The following RBFOX2 variants were observed in gnomAD, a reference collection of about 807,000 sequenced individuals.
The protein encoded by RBFOX2 is RNA binding protein fox-1 homolog 2.
Under a neutral mutation model 49.1 loss-of-function variants are expected in RBFOX2, and 10 were observed. The observed-to-expected ratio is 0.20, with a 90% CI of 0.13 to 0.35. The LOEUF (loss-of-function observed/expected upper bound fraction) is 0.35, where lower values mean the gene tolerates loss of function less well. Ranked by LOEUF, RBFOX2 falls within the 10% of genes least tolerant of loss-of-function variation. RBFOX2 has a pLI of 1.00. For synonymous variants in RBFOX2, 183 were observed against 187.4 expected (o/e 0.98, Z 0.19); for missense variants, 323 against 486.9 (o/e 0.66, Z 3.17).
At chr22:35,868,738 C>T (rs2043988330) in intron 1 of RBFOX2, among the ~76,000 whole-genome samples, 1 of 152,166 alleles carries the variant, frequency 6.6e-6, no homozygotes, top group African/African-American at 2.4e-5. Context: ...GTTGTAAATA[C>T]GTACACTGTT....
At position 35,994,193 on chromosome 22, in the gene RBFOX2, G is replaced by A. The variant is rs114340959; in HGVS notation, c.186+34047C>T. ...ATATTAAAAATGGTAAAAAAAAAAA[G>A]GTGAAACTAATTTTAAGAATATATT... On this transcript the variant is annotated intron_variant, in intron 1 of 13. Coordinates refer to the RBFOX2 transcript ENST00000438146. 2.6e-3 allele frequency: 394 copies of A among 150,080 alleles called. 4 individuals carry two copies. The highest frequency in any genetic ancestry group is 9.4e-3 in the African/African-American group (384 of 40,830). The allele number at this position is 150,080 out of a possible 1,614,324, so 9.3% of individuals were successfully genotyped here. A position where few individuals can be genotyped will look rare whatever the true frequency, so the allele number is the denominator to read the frequency against.
intron 2 of RBFOX2, among the ~76,000 whole-genome samples, chr22:35,787,161 T>C (rs1425350847): frequency 5.3e-5 from 8 of 152,132 alleles, no homozygotes; most frequent in Non-Finnish European, 1.0e-4. Flanking sequence ...TGCCTTAGCC[T>C]CCCAAATAGC....
intron 1 of RBFOX2, chr22:35,822,102 C>T (rs1404833689): frequency 2.3e-6 from 1 of 428,210 alleles, no homozygotes; most frequent in Non-Finnish European, 4.6e-6. Context: ...TGGTACTCCC[C>T]AATAAAGTGT....
At chr22:35,842,980 C>A (rs1265152060), upstream of RBFOX2, among the ~76,000 whole-genome samples, 1 of 151,934 alleles carries the variant, frequency 6.6e-6, no homozygotes, top group Non-Finnish European at 1.5e-5. Flanking sequence ...AGAATTGGTA[C>A]AAGCTTAAAA....
intron 1 of RBFOX2, among the ~76,000 whole-genome samples, chr22:36,024,555 A>G (rs1304688234): frequency 6.6e-6 from 1 of 152,040 alleles, no homozygotes; most frequent in Admixed American, 6.5e-5. Context: ...AGCCTGGCCA[A>G]CATGGTGAAA....
At chr22:36,028,089 G>T (rs1933096410) in intron 1 of RBFOX2, 151 bp downstream of exon 1, 6 of 1,246,404 alleles carry the variant, frequency 4.8e-6, no homozygotes, top group Non-Finnish European at 6.2e-6. Context: ...GCCCGAGCTC[G>T]CCCCACCTTC....
chr22:35,840,378 CTTCCT>C (rs2148847682), exon 1 of RBFOX2: 2 of 1,526,106 alleles, frequency 1.3e-6, no homozygotes, highest in East Asian at 4.6e-5. Context: ...TCTAATGTTT[CTTCCT>C]TTCTTTTCTC....
intron 1 of RBFOX2, among the ~76,000 whole-genome samples, chr22:35,856,274 C>A (rs1274887852): frequency 6.6e-6 from 1 of 152,080 alleles, no homozygotes; most frequent in Non-Finnish European, 1.5e-5. Context: ...ATCTGTACAC[C>A]GACATACAAC....
intron 8 of RBFOX2, among the ~76,000 whole-genome samples, chr22:35,760,729 T>C (rs1164814917): frequency 6.6e-6 from 1 of 152,190 alleles, no homozygotes; most frequent in Admixed American, 6.5e-5. Context: ...GCAGAGACAT[T>C]GATTCCATGT....
upstream of RBFOX2, among the ~76,000 whole-genome samples, chr22:35,964,080 A>G (rs560714870): frequency 6.6e-6 from 1 of 152,286 alleles, no homozygotes; most frequent in Admixed American, 6.5e-5. Flanking sequence ...GCAAACACAG[A>G]AACAGAGTTC....
rs766364960 is a variant in RBFOX2, at chr22:35,759,329, T to C, written c.887+559A>G. Among the ~76,000 whole-genome samples the C allele has an allele frequency of 6.6e-6, 1 of 152,210 alleles. No homozygotes were observed. Among genetic ancestry groups the C allele is most frequent in the Non-Finnish European group, 1.5e-5 (1 of 68,026 alleles). On this transcript the variant is annotated intron_variant, in intron 9 of 11. Transcript: ENST00000405409. The surrounding 1 kb of genome is among the most constrained non-coding windows in gnomAD (Gnocchi z 4.6). ...TCCTACTTCTCCCTTTCTCCCTTGATTCAATTGGACTTGGTTCATCTTAGA... is the reference window on the plus strand; with the variant it reads ...TCCTACTTCTCCCTTTCTCCCTTGACTCAATTGGACTTGGTTCATCTTAGA...
At chr22:35,762,705 A>G (rs1451931973) in intron 6 of RBFOX2, among the ~76,000 whole-genome samples, 1 of 151,944 alleles carries the variant, frequency 6.6e-6, no homozygotes, top group Non-Finnish European at 1.5e-5. Flanking sequence ...GGGTTTCACC[A>G]TGTTGGCCAG....
intron 1 of RBFOX2, among the ~76,000 whole-genome samples, chr22:36,005,291 C>T (rs2058577801): frequency 6.6e-6 from 1 of 152,158 alleles, no homozygotes; most frequent in Non-Finnish European, 1.5e-5. Context: ...TCTGGATAAT[C>T]GTGAAAGCAC....
intron 4 of RBFOX2, among the ~76,000 whole-genome samples, chr22:35,774,045 A>C (rs1330099590): frequency 6.6e-6 from 1 of 152,096 alleles, no homozygotes; most frequent in Non-Finnish European, 1.5e-5. Context: ...ATTTCTCTTT[A>C]ATAAACTATG....
At chr22:35,950,109 A>ATTTTT (rs146393323) in intron 1 of RBFOX2, among the ~76,000 whole-genome samples, 1 of 107,990 alleles carries the variant, frequency 9.3e-6, no homozygotes. Context: ...GTCCAACTTC[A>ATTTTT]TTTTTTTTTT....
At chr22:35,959,660 T>A (rs1261749583) in intron 1 of RBFOX2, among the ~76,000 whole-genome samples, 1 of 152,224 alleles carries the variant, frequency 6.6e-6, no homozygotes, top group Non-Finnish European at 1.5e-5. Context: ...GGCCATACTG[T>A]AAACAGATTA....
At chr22:35,860,176 T>A (rs2042952382) in intron 1 of RBFOX2, among the ~76,000 whole-genome samples, 1 of 152,152 alleles carries the variant, frequency 6.6e-6, no homozygotes, top group Admixed American at 6.6e-5. Context: ...CTCACATTGG[T>A]CTTGGGGATA....
At chr22:35,993,859 C>CA (rs1305234389) in intron 1 of RBFOX2, 1 of 152,082 alleles carries the variant, frequency 6.6e-6, no homozygotes, top group Non-Finnish European at 1.5e-5. Flanking sequence ...CTGTGGCAGG[C>CA]ACCCGTAATC....
intron 1 of RBFOX2, among the ~76,000 whole-genome samples, chr22:36,007,666 G>A (rs560476504): frequency 6.6e-6 from 1 of 151,980 alleles, no homozygotes; most frequent in African/African-American, 2.4e-5. Context: ...TTATTCCTCT[G>A]TCTCTCAATG....
Sources: allele counts gnomAD v4.1 joint callset (sites outside exome capture counted in the v4.1 genomes callset), GRCh38; gene constraint gnomAD v4.1.1; non-coding constraint Gnocchi (gnomAD v3.1); transcripts MANE v1.5; gene names NCBI Gene and HGNC (gene_info 2026-07-23, HGNC 2026-07-21).